MTERF3: variants seen among roughly 807,000 people sequenced by gnomAD.
MTERF3 encodes mitochondrial transcription termination factor 3.
Under a neutral mutation model 40.5 loss-of-function variants are expected in MTERF3, and 40 were observed. The observed-to-expected ratio is 0.99, with a 90% CI of 0.77 to 1.29. The LOEUF (loss-of-function observed/expected upper bound fraction) is 1.29. Ranked by LOEUF, MTERF3 falls within the 50% of genes most tolerant of loss-of-function variation. MTERF3 has a pLI of 0.00. For missense variants in MTERF3, 452 were observed against 478.2 expected (o/e 0.95, Z 0.51); for synonymous variants, 158 against 166.6 (o/e 0.95, Z 0.40).
intron 7 of MTERF3, among the ~76,000 whole-genome samples, chr8:96,240,596 A>G (rs992669653): frequency 6.6e-6 from 1 of 152,202 alleles, no homozygotes; most frequent in African/African-American, 2.4e-5. Context: ...AACTTTAGAA[A>G]GGAGTCAGAA....
intron 1 of MTERF3, among the ~76,000 whole-genome samples, chr8:96,259,665 G>A (rs1278522763): frequency 6.6e-6 from 1 of 152,082 alleles, no homozygotes; most frequent in African/African-American, 2.4e-5. Context: ...CTCAATAAAT[G>A]TTAGCCATTA....
chr8:96,258,209 G>C, intron 2 of MTERF3, 148 bp downstream of exon 2: 1 of 1,355,398 alleles, frequency 7.4e-7, no homozygotes, highest in Non-Finnish European at 9.5e-7. Context: ...ATAAAGGCAT[G>C]ATAGAAGTTC....
At chr8:96,250,622 A>G (rs1264666067) in intron 4 of MTERF3, among the ~76,000 whole-genome samples, 40 of 12,370 alleles carry the variant, frequency 3.2e-3, no homozygotes, top group South Asian at 0.011. Context: ...AGGCAGAAGA[A>G]GAAGAAGAAG....
intron 4 of MTERF3, among the ~76,000 whole-genome samples, chr8:96,250,684 G>GAAGAAGA (rs1174594294): frequency 1.1e-3 from 15 of 13,542 alleles, no homozygotes; most frequent in Non-Finnish European, 3.3e-3. Context: ...GAAGAAGAAG[G>GAAGAAGA]AGGAGGAGGA....
chr8:96,258,734 G>A, intron 1 of MTERF3, 34 bp from the exon 2 acceptor site: 1 of 1,425,542 alleles, frequency 7.0e-7, no homozygotes, highest in Non-Finnish European at 9.5e-7. Context: ...CAAAAGAAGA[G>A]AAATTTAATT....
chr8:96,244,121 T>G (rs757032036), intron 6 of MTERF3, 41 bp from the exon 7 acceptor site: 2 of 1,551,622 alleles, frequency 1.3e-6, no homozygotes, highest in African/African-American at 2.8e-5. Flanking sequence ...TATGTAGAAA[T>G]AGTTATTTTG....
intron 6 of MTERF3, among the ~76,000 whole-genome samples, chr8:96,244,987 C>T (rs930304497): frequency 1.3e-5 from 2 of 152,104 alleles, no homozygotes; most frequent in African/African-American, 4.8e-5. Flanking sequence ...CCAAGTACAC[C>T]CACATATGTG....
At chr8:96,255,740 A>T (rs1410242690) in intron 3 of MTERF3, among the ~76,000 whole-genome samples, 3 of 152,132 alleles carry the variant, frequency 2.0e-5, no homozygotes, top group Non-Finnish European at 4.4e-5. Context: ...TCCCAAAAAT[A>T]TGGGGAATGA....
chr8:96,256,576 TACTG>T (rs34391672), intron 3 of MTERF3, among the ~76,000 whole-genome samples: 2,280 of 152,334 alleles, frequency 0.015, 48 homozygotes, highest in African/African-American at 0.052. Flanking sequence ...ATAATTTAAC[TACTG>T]ACTAATGATT....
intron 4 of MTERF3, among the ~76,000 whole-genome samples, chr8:96,246,943 A>G (rs902809028): frequency 6.6e-6 from 1 of 151,174 alleles, no homozygotes; most frequent in Non-Finnish European, 1.5e-5. Flanking sequence ...TTTTTAGGTT[A>G]GTATATTTAC....
In MTERF3 at chr8:96,239,722, C is replaced by G. The variant is rs747928893; in HGVS notation, c.1060-37G>C. The G allele has an allele frequency of 4.0e-6, 6 of 1,495,588 alleles. No homozygotes were observed. The Admixed American group carries it at 1.3e-4, about 31-fold the overall frequency. The allele number at this position is 1,495,588 out of a possible 1,614,324, so 92.6% of individuals were successfully genotyped here. Reference sequence around the variant, plus strand: ...AAAAAAGTTTTTAAAAAACACTGCACACGGGAGGATGAAATATTAAAAAGT... The same window carrying G: ...AAAAAAGTTTTTAAAAAACACTGCAGACGGGAGGATGAAATATTAAAAAGT... On this transcript the variant is annotated intron_variant, in intron 7 of 7. Transcript: ENST00000287025.
In MTERF3 at chr8:96,258,452, T is replaced by C. The variant is rs1810321052; in HGVS notation, c.239A>G (p.Asn80Ser). ...AAGCAGACTGCTTTGGGCAGAATTA[T>C]TCTCCTGACTACTTGAGCTAGTAGA... Reference protein sequence around the residue: ...SQSTSSSSQENNSAQSSLLPS... With the variant: ...SQSTSSSSQESNSAQSSLLPS... Residue 80 changes from asparagine to serine, a missense_variant, in exon 2 of 8, where the codon AAT becomes AGT. Coordinates refer to ENST00000287025, the MANE Select transcript of MTERF3 (RefSeq NM_015942.5). 2 of 1,614,174 alleles carry C rather than the reference T, an allele frequency of 1.2e-6. No homozygotes were observed. The highest frequency in any genetic ancestry group is 1.7e-6 in the Non-Finnish European group (2 of 1,180,000).
chr8:96,250,578 GCCA>G (rs1229009732), intron 4 of MTERF3, among the ~76,000 whole-genome samples: 1 of 140,382 alleles, frequency 7.1e-6, no homozygotes, highest in African/African-American at 2.7e-5. Context: ...AGGCATGGTG[GCCA>G]CCTGTAGTCA....
rs548788063 is a variant in MTERF3, at chr8:96,261,348, G to C, written c.-11+153C>G. Among the ~76,000 whole-genome samples, 41 of 152,354 alleles carry C rather than the reference G, an allele frequency of 2.7e-4. No individual in the cohort carries two copies. The South Asian group carries it at 8.5e-3, about 32-fold the overall frequency. The stretch of plus-strand genomic sequence containing the variant: ...GGTTGAGTTTTCACTACATCAGCCA[G>C]GGAAAAACACAAAACAAAACCAATC... On this transcript the variant is annotated intron_variant, in intron 1 of 7. Transcript: ENST00000287025.
intron 1 of MTERF3, among the ~76,000 whole-genome samples, chr8:96,261,015 G>A (rs1438067977): frequency 2.0e-5 from 3 of 152,192 alleles, no homozygotes; most frequent in Admixed American, 2.0e-4. Flanking sequence ...TTCTAACAAG[G>A]TCCTTTCATC....
chr8:96,255,352 G>C (rs1810260269), intron 3 of MTERF3, among the ~76,000 whole-genome samples: 1 of 152,154 alleles, frequency 6.6e-6, no homozygotes, highest in African/African-American at 2.4e-5. Flanking sequence ...TAAGAATCAA[G>C]GATAGGCCGA....
chr8:96,256,429 G>GAAAC (rs1312820321), intron 3 of MTERF3, among the ~76,000 whole-genome samples: 1 of 152,026 alleles, frequency 6.6e-6, no homozygotes, highest in African/African-American at 2.4e-5. Context: ...TTTAACCCCA[G>GAAAC]AAACAAACAA....
chr8:96,257,312 T>C (rs16894385), intron 2 of MTERF3, 198 bp from the exon 3 acceptor site: 13,986 of 408,968 alleles, frequency 0.034, 1,118 homozygotes, highest in African/African-American at 0.2. Flanking sequence ...ACTGTTCCTC[T>C]GAGATTAGAA....
intron 4 of MTERF3, among the ~76,000 whole-genome samples, chr8:96,250,179 C>G (rs996898197): frequency 6.6e-6 from 1 of 151,992 alleles, no homozygotes; most frequent in Admixed American, 6.5e-5. Context: ...AAATAGCCAA[C>G]TTACGGAAAT....
Sources: allele counts gnomAD v4.1 joint callset (sites outside exome capture counted in the v4.1 genomes callset), GRCh38; gene constraint gnomAD v4.1.1; transcripts MANE v1.5; gene names NCBI Gene and HGNC (gene_info 2026-07-23, HGNC 2026-07-21).